The following PRDM5 variants were observed in gnomAD, a reference collection of about 807,000 sequenced individuals.
The protein encoded by PRDM5 is PR/SET domain 5, also known as PR domain zinc finger protein 5.
A neutral mutation model predicts 81.2 loss-of-function variants in PRDM5; 56 were observed. The ratio of observed to expected loss-of-function variants is 0.69; its 90% CI spans 0.56 to 0.86. The LOEUF (loss-of-function observed/expected upper bound fraction) is 0.86. Ranked by LOEUF, PRDM5 falls within the 40% of genes least tolerant of loss-of-function variation. The pLI is 0.00. For synonymous variants in PRDM5, 267 were observed against 256.4 expected, an observed-to-expected ratio of 1.04 and a Z score of -0.39; for missense variants, 697 against 770.1, an observed-to-expected ratio of 0.91 and a Z score of 1.12.
rs887862941 is a variant in PRDM5 at position 120,858,580 on chromosome 4, C to A, written c.178-5040G>T. Among the ~76,000 whole-genome samples, 10 of 148,676 alleles carry A rather than the reference C, an allele frequency of 6.7e-5. No homozygotes were observed. In the East Asian group the frequency reaches 1.2e-3, roughly 18 times the overall value. On this transcript the variant is annotated intron_variant, in intron 2 of 15. Transcript: ENST00000264808. The stretch of plus-strand genomic sequence containing the variant: ...GTGTGCTTATGAACGCGTGCGTGCG[C>A]GCGCACGCACGCACACACACACACA...
chr4:120,869,191 G>A (rs1048846150), intron 2 of PRDM5, among the ~76,000 whole-genome samples: 1 of 151,996 alleles, frequency 6.6e-6, no homozygotes, highest in Non-Finnish European at 1.5e-5. Context: ...ATTCTTCAAA[G>A]TACTTCTGAG....
In PRDM5 at chr4:120,828,722, A is replaced by G. The variant is rs556003387; in HGVS notation, c.301-7377T>C. On this transcript the variant is annotated intron_variant, in intron 3 of 15. Coordinates refer to ENST00000264808, the MANE Select transcript of PRDM5 (RefSeq NM_018699.4). ...AACATACAGTTAACTTTGTGGCCTC[A>G]GTCTCAGGCACAGGAGAAGCTTACA... 3.9e-5 allele frequency among the ~76,000 whole-genome samples: 6 copies of G among 152,174 alleles called. No homozygotes were observed. In the South Asian group the frequency reaches 1.2e-3, roughly 32 times the overall value.
At chr4:120,700,113 A>G (rs1379756621) in intron 15 of PRDM5, among the ~76,000 whole-genome samples, 1 of 152,154 alleles carries the variant, frequency 6.6e-6, no homozygotes, top group African/African-American at 2.4e-5. Context: ...CACCAATGCA[A>G]CAGAGTACAG....
At chr4:120,879,563 TTTC>T (rs1439516528) in intron 2 of PRDM5, among the ~76,000 whole-genome samples, 1 of 152,350 alleles carries the variant, frequency 6.6e-6, no homozygotes, top group African/African-American at 2.4e-5. Context: ...ATATTTTCTC[TTTC>T]TTAAGATTTT....
downstream of PRDM5, among the ~76,000 whole-genome samples, chr4:120,691,536 A>G (rs1348498043): frequency 6.6e-6 from 1 of 152,178 alleles, no homozygotes; most frequent in Non-Finnish European, 1.5e-5. Context: ...CATAACTTTT[A>G]TTACCCTTAA....
chr4:120,863,191 T>TATATATATACACACACACACAC (rs1553997193), intron 2 of PRDM5, among the ~76,000 whole-genome samples: 3 of 70,322 alleles, frequency 4.3e-5, no homozygotes, highest in East Asian at 3.7e-4. Flanking sequence ...TATATATATA[T>TATATATATACACACACACACAC]ACACACACAC....
At chr4:120,798,226 GCAAATT>G in intron 10 of PRDM5, 35 bp downstream of exon 10, 1 of 1,406,772 alleles carries the variant, frequency 7.1e-7, no homozygotes, top group South Asian at 1.4e-5. Flanking sequence ...AATCACAGCA[GCAAATT>G]CATAAAAAAT....
chr4:120,760,340 T>A (rs1481302843), intron 13 of PRDM5, among the ~76,000 whole-genome samples: 2 of 152,098 alleles, frequency 1.3e-5, no homozygotes, highest in South Asian at 4.1e-4. Flanking sequence ...CCCAAGTGAA[T>A]CCAAACACTA....
At chr4:120,861,453 A>T (rs1002535028) in intron 2 of PRDM5, among the ~76,000 whole-genome samples, 2 of 152,222 alleles carry the variant, frequency 1.3e-5, no homozygotes, top group African/African-American at 2.4e-5. Context: ...TACATAAAGC[A>T]ATGGCAATAT....
At chr4:120,732,880 T>C (rs1181601136) in intron 14 of PRDM5, among the ~76,000 whole-genome samples, 2 of 152,210 alleles carry the variant, frequency 1.3e-5, no homozygotes, top group South Asian at 4.1e-4. Context: ...ACTGACCTCT[T>C]ATATGCTTTG....
chr4:120,782,818 T>TA (rs939424816), intron 11 of PRDM5, among the ~76,000 whole-genome samples: 2 of 152,108 alleles, frequency 1.3e-5, no homozygotes, highest in African/African-American at 4.8e-5. Flanking sequence ...GAGATCTTTT[T>TA]AAAAAAACCT....
rs149059984 is a variant in PRDM5 at position 120,696,011 on chromosome 4, G to A, written c.1729-736C>T. 2.0e-5 allele frequency among the ~76,000 whole-genome samples: 3 copies of A among 152,106 alleles called. No homozygotes were observed. The East Asian group carries it at 5.8e-4, about 29-fold the overall frequency. ...TGTAAAAATACTGTAAAGAAAGCTG[G>A]AGTTTTAATTGAGGTTAGGCTTGGG... is the stretch of plus-strand genomic sequence containing the variant. On this transcript the variant is annotated intron_variant, in intron 15 of 15. Coordinates refer to ENST00000264808, the MANE Select transcript of PRDM5 (RefSeq NM_018699.4).
At chr4:120,853,194 T>C (rs1405363142) in intron 3 of PRDM5, among the ~76,000 whole-genome samples, 3 of 152,176 alleles carry the variant, frequency 2.0e-5, no homozygotes, top group African/African-American at 7.2e-5. Context: ...GACTGTGTAA[T>C]TCATTCCCTC....
At chr4:120,912,034 T>C (rs1330901890) in intron 1 of PRDM5, among the ~76,000 whole-genome samples, 3 of 152,168 alleles carry the variant, frequency 2.0e-5, no homozygotes, top group Non-Finnish European at 2.9e-5. Context: ...TGCTAACTTA[T>C]AAATAAAGGG....
At chr4:120,723,654 A>G (rs1046222218) in intron 14 of PRDM5, among the ~76,000 whole-genome samples, 1 of 152,118 alleles carries the variant, frequency 6.6e-6, no homozygotes, top group Non-Finnish European at 1.5e-5. Context: ...AATATGATAA[A>G]AAATATAGAA....
intron 2 of PRDM5, 119 bp downstream of exon 2, chr4:120,907,355 A>G: frequency 1.1e-6 from 1 of 910,200 alleles, no homozygotes; most frequent in African/African-American, 1.7e-5. Flanking sequence ...AAAAAAACCT[A>G]AAACATTTCA....
intron 14 of PRDM5, among the ~76,000 whole-genome samples, chr4:120,747,614 C>G (rs376959557): frequency 7.2e-5 from 11 of 152,102 alleles, no homozygotes; most frequent in African/African-American, 2.4e-4. Flanking sequence ...TGCATGGTGT[C>G]AAGGCAAAGT....
chr4:120,740,522 C>G (rs1489444449), intron 14 of PRDM5, among the ~76,000 whole-genome samples: 5 of 152,178 alleles, frequency 3.3e-5, no homozygotes, highest in Non-Finnish European at 7.3e-5. Flanking sequence ...CCAAAATGCC[C>G]CTGGTAGGCG....
At chr4:120,784,281 C>T (rs920269130) in intron 11 of PRDM5, among the ~76,000 whole-genome samples, 1 of 151,832 alleles carries the variant, frequency 6.6e-6, no homozygotes, top group East Asian at 1.9e-4. Context: ...TTTCATGGTG[C>T]GTATGTATGA....
Sources: gnomAD v4.1 joint callset for allele counts (sites outside exome capture counted in the v4.1 genomes callset) on GRCh38, gnomAD v4.1.1 for gene constraint, MANE v1.5 for transcripts, NCBI Gene and HGNC (gene_info 2026-07-23, HGNC 2026-07-21) for gene names.